The following SMARCA2 variants were observed in gnomAD, a reference collection of about 807,000 sequenced individuals.
SMARCA2 encodes SWI/SNF related BAF chromatin remodeling complex subunit ATPase 2.
Under a neutral mutation model 199.8 loss-of-function variants are expected in SMARCA2, and 61 were observed. The ratio of observed to expected loss-of-function variants is 0.31; its 90% CI spans 0.25 to 0.38. SMARCA2 has a LOEUF of 0.38. Ranked by LOEUF, SMARCA2 falls within the 10% of genes least tolerant of loss-of-function variation. The pLI is 1.00. For missense variants in SMARCA2, 1,344 were observed against 2,012.2 expected (o/e 0.67, Z 6.35); for synonymous variants, 935 against 732.0 (o/e 1.28, Z -4.48).
chr9:2,064,204 C>G (rs1211691052), intron 9 of SMARCA2, among the ~76,000 whole-genome samples: 2 of 152,208 alleles, frequency 1.3e-5, no homozygotes, highest in Non-Finnish European at 2.9e-5. Flanking sequence ...AATTGGACCA[C>G]TGTCTGAGTC....
chr9:2,167,834 C>G (rs2129692594), intron 28 of SMARCA2, among the ~76,000 whole-genome samples: 1 of 152,164 alleles, frequency 6.6e-6, no homozygotes, highest in Non-Finnish European at 1.5e-5. Flanking sequence ...GGTACTTACC[C>G]CCACTAGCTC....
intron 1 of SMARCA2, among the ~76,000 whole-genome samples, chr9:2,020,980 G>C (rs1202628155): frequency 6.6e-6 from 1 of 152,076 alleles, no homozygotes; most frequent in African/African-American, 2.4e-5. Context: ...GTATGAATTA[G>C]GATATTTTAT....
intron 27 of SMARCA2, among the ~76,000 whole-genome samples, chr9:2,129,310 T>C (rs6475518): frequency 0.29 from 43,895 of 151,666 alleles, 11,550 homozygotes; most frequent in African/African-American, 0.7. Flanking sequence ...CCCAGCTGCT[T>C]GGGAGGCTGA....
At chr9:2,143,109 G>T (rs2130692829) in intron 27 of SMARCA2, among the ~76,000 whole-genome samples, 1 of 152,316 alleles carries the variant, frequency 6.6e-6, no homozygotes, top group Non-Finnish European at 1.5e-5. Context: ...TACAGGGGAA[G>T]GAGGGAACTG....
At chr9:2,047,580 A>G in intron 5 of SMARCA2, 96 bp downstream of exon 5, 1 of 1,184,280 alleles carries the variant, frequency 8.4e-7, no homozygotes. Context: ...GGTTGGCCAA[A>G]CTGTGATTTT....
intron 27 of SMARCA2, chr9:2,158,604 G>T: frequency 9.2e-6 from 2 of 216,882 alleles, no homozygotes; most frequent in Non-Finnish European, 1.8e-5. Flanking sequence ...GGTTTGGAAG[G>T]GAATTCTTTT....
chr9:2,044,773 G>C (rs960247583), intron 4 of SMARCA2: 1 of 152,198 alleles, frequency 6.6e-6, no homozygotes, highest in African/African-American at 2.4e-5. Flanking sequence ...TTAGTGCACA[G>C]CAAGTTGCAG....
intron 22 of SMARCA2, 64 bp from the exon 23 acceptor site, chr9:2,103,939 G>A: frequency 6.8e-7 from 1 of 1,462,984 alleles, no homozygotes; most frequent in Non-Finnish European, 9.5e-7. Context: ...GCAAAGCAAT[G>A]CTGGATTTTT....
At chr9:2,026,486 G>C (rs1431592881) in intron 1 of SMARCA2, among the ~76,000 whole-genome samples, 2 of 152,160 alleles carry the variant, frequency 1.3e-5, no homozygotes, top group East Asian at 3.8e-4. Context: ...AACATTCTCT[G>C]AGATTCCCAG....
At chr9:2,108,094 A>T (rs1306895621) in intron 23 of SMARCA2, among the ~76,000 whole-genome samples, 1 of 152,206 alleles carries the variant, frequency 6.6e-6, no homozygotes, top group Non-Finnish European at 1.5e-5. Flanking sequence ...CATACAAAAA[A>T]TGGCAGAGTC....
At chr9:2,033,247 G>A (rs1819155385) in intron 3 of SMARCA2, 166 bp downstream of exon 3, 2 of 637,518 alleles carry the variant, frequency 3.1e-6, no homozygotes, top group Admixed American at 3.4e-5. Flanking sequence ...AATACAACCT[G>A]ATGATTTATA....
At chr9:2,122,780 T>C (rs10757188) in intron 26 of SMARCA2, among the ~76,000 whole-genome samples, 33,741 of 152,144 alleles carry the variant, frequency 0.22, 4,534 homozygotes, top group East Asian at 0.54. Context: ...ATAACAATGA[T>C]TGATGGTCCA....
At chr9:2,182,602 T>C (rs1827125683) in intron 31 of SMARCA2, among the ~76,000 whole-genome samples, 1 of 150,352 alleles carries the variant, frequency 6.7e-6, no homozygotes, top group Non-Finnish European at 1.5e-5. Context: ...CAAGCCATTC[T>C]TCTGCTCTCA....
At chr9:2,064,657 A>G (rs1820749324) in intron 9 of SMARCA2, among the ~76,000 whole-genome samples, 1 of 152,182 alleles carries the variant, frequency 6.6e-6, no homozygotes, top group Non-Finnish European at 1.5e-5. Flanking sequence ...ACAGTGACAG[A>G]TTCTTTAAAT....
At chr9:2,099,241 G>A (rs1186008254) in intron 21 of SMARCA2, among the ~76,000 whole-genome samples, 1 of 152,144 alleles carries the variant, frequency 6.6e-6, no homozygotes, top group Non-Finnish European at 1.5e-5. Flanking sequence ...GGGTTTAGAG[G>A]AGCTGGGAGA....
chr9:2,128,848 G>A (rs1485813355), intron 27 of SMARCA2, among the ~76,000 whole-genome samples: 1 of 152,130 alleles, frequency 6.6e-6, no homozygotes, highest in African/African-American at 2.4e-5. Flanking sequence ...TTCTGAAGGG[G>A]GAGTATTGCA....
intron 29 of SMARCA2, among the ~76,000 whole-genome samples, chr9:2,177,702 G>A (rs762456814): frequency 1.2e-4 from 18 of 151,884 alleles, no homozygotes; most frequent in East Asian, 2.0e-4. Context: ...ACAGGCATGC[G>A]CCACCACACC....
intron 31 of SMARCA2, among the ~76,000 whole-genome samples, chr9:2,184,192 C>A (rs1442876110): frequency 4.6e-5 from 7 of 152,110 alleles, no homozygotes; most frequent in Non-Finnish European, 8.8e-5. Flanking sequence ...GCCCATAGTC[C>A]ATTCGGACTG....
chr9:2,113,663 C>T (rs965101581), intron 24 of SMARCA2, among the ~76,000 whole-genome samples: 1 of 152,212 alleles, frequency 6.6e-6, no homozygotes, highest in Non-Finnish European at 1.5e-5. Flanking sequence ...ACACACATCA[C>T]TGCTACCACC....
Sources: allele counts gnomAD v4.1 joint callset (sites outside exome capture counted in the v4.1 genomes callset), GRCh38; gene constraint gnomAD v4.1.1; transcripts MANE v1.5; gene names NCBI Gene and HGNC (gene_info 2026-07-23, HGNC 2026-07-21).